The following NRXN3 variants were observed in gnomAD, a reference collection of about 807,000 sequenced individuals.
The protein encoded by NRXN3 is neurexin 3.
Under a neutral mutation model 137.6 loss-of-function variants are expected in NRXN3, and 32 were observed. The ratio of observed to expected loss-of-function variants is 0.23; its 90% CI spans 0.18 to 0.31. NRXN3 has a LOEUF of 0.31. Ranked by LOEUF, NRXN3 falls within the 10% of genes least tolerant of loss-of-function variation. NRXN3 has a pLI of 1.00. For missense variants in NRXN3, 1,574 were observed against 2,062.5 expected (o/e 0.76, Z 4.59); for synonymous variants, 798 against 784.5 (o/e 1.02, Z -0.29).
chr14:79,818,055 T>G (rs1280834906), intron 20 of NRXN3, among the ~76,000 whole-genome samples: 3 of 139,388 alleles, frequency 2.2e-5, no homozygotes, highest in Non-Finnish European at 3.1e-5. Flanking sequence ...GGTTTTTTTT[T>G]TTTTTTTTTT....
chr14:78,456,929 C>T (rs2094751117), intron 4 of NRXN3, among the ~76,000 whole-genome samples: 1 of 147,540 alleles, frequency 6.8e-6, no homozygotes, highest in Non-Finnish European at 1.5e-5. Context: ...TCCTCTCTCC[C>T]TCCCTTCCTC....
chr14:79,799,712 T>C (rs1434977035), intron 19 of NRXN3, among the ~76,000 whole-genome samples: 1 of 152,170 alleles, frequency 6.6e-6, no homozygotes, highest in Admixed American at 6.5e-5. Flanking sequence ...TTCCCCTGTC[T>C]CACCACTGCC....
chr14:78,990,726 T>C (rs1371187771), intron 15 of NRXN3, among the ~76,000 whole-genome samples: 2 of 152,162 alleles, frequency 1.3e-5, no homozygotes, highest in Non-Finnish European at 2.9e-5. Flanking sequence ...GAAGTTTGAA[T>C]ATAAACTTTT....
At chr14:79,583,474 C>CT (rs1401176203) in intron 16 of NRXN3, among the ~76,000 whole-genome samples, 1 of 151,968 alleles carries the variant, frequency 6.6e-6, no homozygotes, top group Non-Finnish European at 1.5e-5. Context: ...ACGATCTTCT[C>CT]TTTTTTAATA....
chr14:79,215,279 T>A (rs573210441), intron 15 of NRXN3, among the ~76,000 whole-genome samples: 1 of 152,302 alleles, frequency 6.6e-6, no homozygotes, highest in South Asian at 2.1e-4. Flanking sequence ...CAGGGCTTTG[T>A]CATATTTTTT....
intron 15 of NRXN3, among the ~76,000 whole-genome samples, chr14:79,460,394 T>TA (rs2096316766): frequency 1.3e-5 from 2 of 152,302 alleles, no homozygotes; most frequent in South Asian, 4.1e-4. Context: ...GACTTTTTTT[T>TA]ATTCATGGAA....
intron 18 of NRXN3, among the ~76,000 whole-genome samples, chr14:79,692,777 T>A (rs2098721281): frequency 6.6e-6 from 1 of 152,030 alleles, no homozygotes; most frequent in Non-Finnish European, 1.5e-5. Flanking sequence ...CATTTTTTTT[T>A]AACATTTGTT....
At chr14:79,430,954 A>G (rs763150787) in intron 15 of NRXN3, among the ~76,000 whole-genome samples, 2 of 152,154 alleles carry the variant, frequency 1.3e-5, no homozygotes, top group Admixed American at 6.6e-5. Context: ...ACCTTTTCCA[A>G]AAAGTGACCA....
At chr14:78,326,056 A>G (rs1389511221) in intron 4 of NRXN3, among the ~76,000 whole-genome samples, 3 of 152,212 alleles carry the variant, frequency 2.0e-5, no homozygotes, top group African/African-American at 7.2e-5. Flanking sequence ...GCCTGCCCAT[A>G]GGATAACTGC....
intron 4 of NRXN3, among the ~76,000 whole-genome samples, chr14:78,523,855 AGAG>A (rs2096331289): frequency 2.0e-5 from 3 of 148,348 alleles, no homozygotes; most frequent in Non-Finnish European, 4.5e-5. Context: ...AGAATACAAG[AGAG>A]TGTGACCCAT....
At chr14:78,649,029 C>T (rs1225449451) in intron 5 of NRXN3, among the ~76,000 whole-genome samples, 1 of 152,118 alleles carries the variant, frequency 6.6e-6, no homozygotes, top group Non-Finnish European at 1.5e-5. Context: ...TCTGGCTGTG[C>T]CCCAGGTGGC....
chr14:78,834,438 A>G (rs1293000117), intron 10 of NRXN3, among the ~76,000 whole-genome samples: 2 of 152,140 alleles, frequency 1.3e-5, no homozygotes, highest in Non-Finnish European at 2.9e-5. Context: ...AAAGAATGCA[A>G]GTAATGGTCA....
intron 2 of NRXN3, among the ~76,000 whole-genome samples, chr14:78,250,387 A>G (rs2068419797): frequency 6.6e-6 from 1 of 152,158 alleles, no homozygotes; most frequent in East Asian, 1.9e-4. Context: ...CTGCACATCA[A>G]TTTGGTTTCA....
intron 8 of NRXN3, among the ~76,000 whole-genome samples, chr14:78,778,716 TTCTTTCTTTCTTTCTC>T (rs1288660321): frequency 1.3e-5 from 2 of 148,472 alleles, no homozygotes; most frequent in African/African-American, 5.1e-5. Context: ...CTTTCTTTCT[TTCTTTCTTTCTTTCTC>T]TCTCTCTTTC....
intron 4 of NRXN3, among the ~76,000 whole-genome samples, chr14:78,520,211 T>G (rs1045652780): frequency 5.3e-5 from 8 of 152,196 alleles, no homozygotes; most frequent in African/African-American, 1.9e-4. Flanking sequence ...TGTCCAATGG[T>G]GAGCTTATTA....
chr14:79,066,891 TAGG>T (rs1247958800), intron 15 of NRXN3, among the ~76,000 whole-genome samples: 1 of 152,150 alleles, frequency 6.6e-6, no homozygotes, highest in Non-Finnish European at 1.5e-5. Flanking sequence ...TTTCTGGGTG[TAGG>T]ATCAATGTCA....
chr14:78,214,724 C>T (rs2063085256), intron 1 of NRXN3, among the ~76,000 whole-genome samples: 1 of 152,248 alleles, frequency 6.6e-6, no homozygotes, highest in African/African-American at 2.4e-5. Flanking sequence ...GTTTGCCCAG[C>T]CTCCTTGTCT....
chr14:78,798,575 T>C (rs879499844), intron 8 of NRXN3, among the ~76,000 whole-genome samples: 5 of 152,184 alleles, frequency 3.3e-5, no homozygotes, highest in Non-Finnish European at 7.3e-5. Context: ...GACAGTGGCC[T>C]TCTTCTCACG....
At position 78,235,016 on chromosome 14, in the gene NRXN3, A is replaced by ATATGTG. The variant is rs1466431733; in HGVS notation, c.-703-7372_-703-7371insGTGTAT. Among the ~76,000 whole-genome samples the ATATGTG allele has an allele frequency of 1.5e-3, 140 of 93,886 alleles. 2 individuals carry two copies. Among genetic ancestry groups the ATATGTG allele is most frequent in the Non-Finnish European group, 2.0e-3 (101 of 49,376 alleles). 61.6% of individuals were successfully genotyped at this position (93,886 alleles called of 152,430 possible). On this transcript the variant is annotated intron_variant, in intron 1 of 20. Coordinates refer to ENST00000335750, the MANE Select transcript of NRXN3 (RefSeq NM_001330195.2). ...CTTTTATATATATATATATATATAT[A>ATATGTG]TATATATGTGTATATATATATGTGT... is the stretch of plus-strand genomic sequence containing the variant.
Sources: allele counts gnomAD v4.1 joint callset (sites outside exome capture counted in the v4.1 genomes callset), GRCh38; gene constraint gnomAD v4.1.1; transcripts MANE v1.5; gene names NCBI Gene and HGNC (gene_info 2026-07-23, HGNC 2026-07-21).